Variants in SGIP1 observed in about 807,000 individuals in gnomAD.
SGIP1 encodes SH3-containing GRB2-like protein 3-interacting protein 1.
SGIP1 carries 38 observed loss-of-function variants against 107.5 expected under a neutral mutation model. The ratio of observed to expected loss-of-function variants is 0.35; its 90% CI spans 0.27 to 0.46. The LOEUF (loss-of-function observed/expected upper bound fraction) is 0.46, where lower values mean the gene tolerates loss of function less well. Ranked by LOEUF, SGIP1 falls within the 20% of genes least tolerant of loss-of-function variation. The pLI is 1.00. For missense variants in SGIP1, 929 were observed against 1,019.5 expected (o/e 0.91, Z 1.21); for synonymous variants, 365 against 366.1 (o/e 1.00, Z 0.03).
intron 1 of SGIP1, among the ~76,000 whole-genome samples, chr1:66,607,656 A>AC (rs1156695693): frequency 1.3e-5 from 2 of 151,966 alleles, no homozygotes; most frequent in African/African-American, 4.8e-5. Context: ...GTAATGCCCC[A>AC]CCCCCCTACA....
intron 13 of SGIP1, among the ~76,000 whole-genome samples, chr1:66,677,622 G>A (rs2085686729): frequency 6.6e-6 from 1 of 152,246 alleles, no homozygotes; most frequent in Admixed American, 6.5e-5. Flanking sequence ...GTTGCCATCA[G>A]TCTGGCTTCT....
In SGIP1 at chr1:66,695,569, C is replaced by T. The variant is rs540050799; in HGVS notation, c.1630+76C>T. 1.1e-4 allele frequency: 152 copies of T among 1,431,690 alleles called. 2 individuals carry two copies. In the South Asian group the frequency reaches 1.9e-3, roughly 18 times the overall value. 88.7% of individuals were successfully genotyped at this position (1,431,690 alleles called of 1,614,324 possible). On this transcript the variant is annotated intron_variant, in intron 18 of 24. Transcript: ENST00000371037. The stretch of plus-strand genomic sequence containing the variant: ...TATTTCCCCATTTGCATTTCCAAAT[C>T]CCAGTTCTCTTCAAAAGTTCTGGTC...
At chr1:66,720,524 C>T (rs771464411) in intron 19 of SGIP1, among the ~76,000 whole-genome samples, 10 of 152,080 alleles carry the variant, frequency 6.6e-5, no homozygotes, top group African/African-American at 1.2e-4. Flanking sequence ...GCCAGGAGAT[C>T]GAGACCACCC....
rs192147990 is a variant in SGIP1, at chr1:66,569,296, T to G, written c.10+34928T>G. Among the ~76,000 whole-genome samples the G allele has an allele frequency of 5.3e-5, 8 of 152,100 alleles. No individual in the cohort carries two copies. In the East Asian group the frequency reaches 1.5e-3, roughly 29 times the overall value. On this transcript the variant is annotated intron_variant, in intron 1 of 24. Transcript: ENST00000371037. Reference sequence around the variant, plus strand: ...GTAGTGAGAGAGAACATCCTTGCTTTCTTTCTGATCCTGGTAGAAAAGCTG... The same window carrying G: ...GTAGTGAGAGAGAACATCCTTGCTTGCTTTCTGATCCTGGTAGAAAAGCTG...
chr1:66,733,604 C>T (rs1011650653), intron 20 of SGIP1, 144 bp from the exon 21 acceptor site: 3 of 794,406 alleles, frequency 3.8e-6, no homozygotes, highest in African/African-American at 3.5e-5. Flanking sequence ...GAAAACCACA[C>T]TACTGTTAAT....
At chr1:66,618,847 C>T (rs1169127783) in intron 1 of SGIP1, among the ~76,000 whole-genome samples, 8 of 152,180 alleles carry the variant, frequency 5.3e-5, no homozygotes, top group Non-Finnish European at 1.0e-4. Flanking sequence ...CACGGTACCT[C>T]TTAGACTCTC....
intron 17 of SGIP1, chr1:66,694,647 T>C: frequency 1.9e-6 from 1 of 535,562 alleles, no homozygotes; most frequent in East Asian, 3.5e-5. Flanking sequence ...ATATTTACTG[T>C]TCATCATGGA....
At position 66,635,969 on chromosome 1, in the gene SGIP1, A is replaced by T. The variant is rs1200236705; in HGVS notation, c.125A>T (p.Tyr42Phe). Residue 42 changes from tyrosine (Y) to phenylalanine (F), a missense_variant, in exon 4 of 25, where the codon TAC becomes TTC. Tyr to Phe is a conservative substitution (Grantham distance 22). Around this residue, in one of 2 missense-constraint regions of SGIP1, gnomAD observed 588 missense variants for 588.6 expected, o/e 1.00. Coordinates refer to ENST00000371037, the MANE Select transcript of SGIP1 (RefSeq NM_032291.4). ...CAGCCCAGCCCACACGAACCACCCTACAATAGCAAAGCAGAGTGTGCGCGT... is the reference window on the plus strand; with the variant it reads ...CAGCCCAGCCCACACGAACCACCCTTCAATAGCAAAGCAGAGTGTGCGCGT... ...GIQPSPHEPPYNSKAECAREG... is the reference protein window; with the variant it reads ...GIQPSPHEPPFNSKAECAREG... The T allele has an allele frequency of 1.9e-6, 3 of 1,613,934 alleles. No homozygotes were observed. The highest frequency in any genetic ancestry group is 2.5e-6 in the Non-Finnish European group (3 of 1,179,890).
intron 9 of SGIP1, among the ~76,000 whole-genome samples, chr1:66,669,110 C>G (rs189499890): frequency 6.6e-6 from 1 of 152,318 alleles, no homozygotes; most frequent in African/African-American, 2.4e-5. Context: ...TAGCTTTGTT[C>G]TTCCTAATTT....
chr1:66,665,587 A>G (rs1018568683), intron 8 of SGIP1, among the ~76,000 whole-genome samples: 1 of 152,200 alleles, frequency 6.6e-6, no homozygotes, highest in Admixed American at 6.5e-5. Context: ...CACTCCCACC[A>G]ACAGTGTAAA....
intron 19 of SGIP1, among the ~76,000 whole-genome samples, chr1:66,725,584 T>C (rs2093717470): frequency 1.3e-5 from 2 of 152,218 alleles, no homozygotes; most frequent in Admixed American, 6.5e-5. Flanking sequence ...CCTTGTGAAA[T>C]TTCTGCTTTA....
chr1:66,673,755 G>C (rs113432058), intron 12 of SGIP1, among the ~76,000 whole-genome samples: 2,037 of 152,276 alleles, frequency 0.013, 47 homozygotes, highest in African/African-American at 0.047. Flanking sequence ...TCGTTGGGGT[G>C]TGGCCTCCCT....
At chr1:66,671,074 C>T in intron 10 of SGIP1, 55 bp downstream of exon 10, 1 of 943,184 alleles carries the variant, frequency 1.1e-6, no homozygotes, top group Non-Finnish European at 1.6e-6. Context: ...AAGAACAGTT[C>T]CTTGGATCTT....
chr1:66,607,857 C>T (rs927949871), intron 1 of SGIP1, among the ~76,000 whole-genome samples: 1 of 152,184 alleles, frequency 6.6e-6, no homozygotes, highest in Non-Finnish European at 1.5e-5. Flanking sequence ...TTCTCTATAA[C>T]AACACTAGCA....
chr1:66,728,542 G>A (rs1044850974), intron 19 of SGIP1, among the ~76,000 whole-genome samples: 1 of 152,148 alleles, frequency 6.6e-6, no homozygotes, highest in Non-Finnish European at 1.5e-5. Flanking sequence ...AAAATAGTGT[G>A]GTGATTCCTC....
chr1:66,644,585 C>T (rs1008624637), intron 7 of SGIP1, among the ~76,000 whole-genome samples: 1 of 152,092 alleles, frequency 6.6e-6, no homozygotes, highest in East Asian at 1.9e-4. Flanking sequence ...CAGCATTCCC[C>T]CTGAACAGAG....
intron 7 of SGIP1, among the ~76,000 whole-genome samples, chr1:66,656,504 G>A (rs1252065372): frequency 6.6e-6 from 1 of 152,148 alleles, no homozygotes; most frequent in Non-Finnish European, 1.5e-5. Context: ...ACAAGCACAT[G>A]GGTAATGCAT....
At chr1:66,638,677 G>A (rs1267631110) in intron 4 of SGIP1, among the ~76,000 whole-genome samples, 1 of 152,154 alleles carries the variant, frequency 6.6e-6, no homozygotes, top group African/African-American at 2.4e-5. Flanking sequence ...AATATTCACT[G>A]TTATTCAATG....
At chr1:66,660,606 C>T (rs1257490038) in intron 8 of SGIP1, 82 bp downstream of exon 8, 17 of 1,249,220 alleles carry the variant, frequency 1.4e-5, no homozygotes, top group Non-Finnish European at 2.0e-5. Flanking sequence ...TAATGACTGA[C>T]TGTGTTTAAC....
Sources: gnomAD v4.1 joint callset for allele counts (sites outside exome capture counted in the v4.1 genomes callset) on GRCh38, gnomAD v4.1.1 for gene constraint, gnomAD v4.1.1 regional missense constraint, MANE v1.5 for transcripts, NCBI Gene and HGNC (gene_info 2026-07-23, HGNC 2026-07-21) for gene names.